SEMA3C: variants seen among roughly 807,000 people sequenced by gnomAD.
SEMA3C encodes the protein semaphorin 3C.
SEMA3C carries 47 observed loss-of-function variants against 89.4 expected under a neutral mutation model. The observed-to-expected ratio is 0.53, with a 90% CI of 0.42 to 0.67. The LOEUF is 0.67. Ranked by LOEUF, SEMA3C falls within the 30% of genes least tolerant of loss-of-function variation. The pLI is 0.00. For synonymous variants in SEMA3C, 310 were observed against 320.2 expected, an observed-to-expected ratio of 0.97 and a Z score of 0.34; for missense variants, 839 against 929.1, an observed-to-expected ratio of 0.90 and a Z score of 1.26.
At chr7:80,788,116 C>G (rs1788847143) in intron 12 of SEMA3C, among the ~76,000 whole-genome samples, 1 of 152,076 alleles carries the variant, frequency 6.6e-6, no homozygotes, top group African/African-American at 2.4e-5. Flanking sequence ...GAAAAAGTAC[C>G]CACATCTTAA....
chr7:80,921,301 C>T (rs1792404579), upstream of SEMA3C, among the ~76,000 whole-genome samples: 1 of 152,138 alleles, frequency 6.6e-6, no homozygotes, highest in Admixed American at 6.5e-5. Flanking sequence ...GAGACGTTTA[C>T]AGTTGGCCAC....
chr7:80,863,672 T>TATATAC (rs575409973), intron 2 of SEMA3C, among the ~76,000 whole-genome samples: 10 of 143,522 alleles, frequency 7.0e-5, no homozygotes, highest in Non-Finnish European at 1.0e-4. Flanking sequence ...TATATATATA[T>TATATAC]ACACACATAT....
chr7:80,891,147 T>C (rs191366532), intron 2 of SEMA3C, among the ~76,000 whole-genome samples: 40 of 152,288 alleles, frequency 2.6e-4, no homozygotes, highest in African/African-American at 7.2e-4. Context: ...TTTTTACTGG[T>C]TTCCGTATAA....
At chr7:80,812,955 T>C (rs1340170082) in intron 5 of SEMA3C, among the ~76,000 whole-genome samples, 2 of 143,488 alleles carry the variant, frequency 1.4e-5, no homozygotes, top group African/African-American at 5.1e-5. Flanking sequence ...CCTGGCTATT[T>C]TTTGTATTTT....
chr7:80,872,757 C>T (rs564136892), intron 2 of SEMA3C, among the ~76,000 whole-genome samples: 1 of 133,610 alleles, frequency 7.5e-6, no homozygotes, highest in East Asian at 2.2e-4. Flanking sequence ...GCCAAGATCA[C>T]ACTACTGCAC....
chr7:80,794,245 C>T (rs1254009245), intron 11 of SEMA3C, among the ~76,000 whole-genome samples: 1 of 151,954 alleles, frequency 6.6e-6, no homozygotes, highest in African/African-American at 2.4e-5. Context: ...GTCCAATCAC[C>T]CTAGGGCAAG....
intron 2 of SEMA3C, among the ~76,000 whole-genome samples, chr7:80,900,320 A>G (rs1161783444): frequency 6.6e-6 from 1 of 151,994 alleles, no homozygotes; most frequent in Non-Finnish European, 1.5e-5. Flanking sequence ...TCAACATGTT[A>G]GCTAGGATGG....
intron 17 of SEMA3C, among the ~76,000 whole-genome samples, chr7:80,747,903 T>G (rs1408617543): frequency 6.6e-6 from 1 of 152,136 alleles, no homozygotes; most frequent in Admixed American, 6.6e-5. Flanking sequence ...TCCTAAGATC[T>G]TTGGGTAGAC....
Position 80,828,705 on chromosome 7 carries a change from GGAAAGGCTGAAGTATTCA to G in SEMA3C, c.126_143del (p.Glu43_Ser48del). On this transcript the variant is annotated inframe_deletion, in exon 3 of 18. Transcript: ENST00000265361. ...AAATCCTGTAGTCTAAAGGATGGTG[GGAAAGGCTGAAGTATTCA>G]GAGGTCTTGGTTTCTCGAAGTTCTG... The G allele has an allele frequency of 6.2e-7, 1 of 1,611,032 alleles. No homozygotes were observed. The highest frequency in any genetic ancestry group is 1.3e-5 in the African/African-American group (1 of 74,916).
chr7:80,894,234 A>T, intron 2 of SEMA3C, among the ~76,000 whole-genome samples: 1 of 152,154 alleles, frequency 6.6e-6, no homozygotes, highest in East Asian at 1.9e-4. Flanking sequence ...TCTTATTTAA[A>T]TGTAGAGACC....
chr7:80,763,980 CAAATTTAATAA>C (rs1347631252), intron 13 of SEMA3C, among the ~76,000 whole-genome samples: 5 of 152,132 alleles, frequency 3.3e-5, no homozygotes, highest in African/African-American at 1.2e-4. Context: ...TTAAAAATTA[CAAATTTAATAA>C]TATAGTAGGA....
In SEMA3C at chr7:80,828,607, T is replaced by A. The variant is rs980241188; in HGVS notation, c.242A>T (p.Asn81Ile). The stretch of plus-strand genomic sequence containing the variant: ...TACACTCAAAGCTTCTTGACTTATA[T>A]TGTTAATATTCAGGGAAAGAATGTG... ...KDHILSLNIN[N>I]ISQEALSVFW... is the part of the protein sequence containing the mutation. The change falls in exon 3 of 18, where the codon AAT becomes ATT. Residue 81 changes from asparagine (N) to isoleucine (I), a missense_variant. Transcript: ENST00000265361. The A allele has an allele frequency of 1.2e-6, 2 of 1,608,842 alleles. No homozygotes were observed. The highest frequency in any genetic ancestry group is 1.7e-6 in the Non-Finnish European group (2 of 1,176,796).
intron 12 of SEMA3C, among the ~76,000 whole-genome samples, chr7:80,782,077 A>C (rs774360239): frequency 2.6e-5 from 4 of 152,224 alleles, no homozygotes; most frequent in Non-Finnish European, 5.9e-5. Flanking sequence ...AATTTAAAAC[A>C]AATTTTAAAT....
chr7:80,884,656 G>T (rs1020858297), intron 2 of SEMA3C, among the ~76,000 whole-genome samples: 4 of 152,154 alleles, frequency 2.6e-5, no homozygotes, highest in African/African-American at 9.7e-5. Context: ...TACAAACAAC[G>T]GCTTTGTCTG....
chr7:80,837,525 A>C (rs1189849941), intron 2 of SEMA3C, among the ~76,000 whole-genome samples: 1 of 152,184 alleles, frequency 6.6e-6, no homozygotes, highest in Non-Finnish European at 1.5e-5. Flanking sequence ...ATCTAGTTCC[A>C]GATTACCTTA....
chr7:80,789,256 G>GTACATTCT lies in SEMA3C; in HGVS notation c.1354+42_1354+49dup, dbSNP rs570055853. 1.2e-3 allele frequency: 1,763 copies of GTACATTCT among 1,443,476 alleles called. 7 individuals are homozygous for GTACATTCT. The highest frequency in any genetic ancestry group is 9.7e-3 in the African/African-American group (689 of 71,156). 89.4% of individuals were successfully genotyped at this position (1,443,476 alleles called of 1,614,324 possible). A position where few individuals can be genotyped will look rare whatever the true frequency, so the allele number is the denominator to read the frequency against. ...GGCCCTTACCTACTACCTATATTTA[G>GTACATTCT]TACATTCTTTTACTACACATTAAAG... On this transcript the variant is annotated intron_variant, in intron 12 of 17. Coordinates refer to ENST00000265361, the MANE Select transcript of SEMA3C (RefSeq NM_006379.5).
rs746317852 is a variant in SEMA3C, at chr7:80,758,377, C to T, written c.1597G>A (p.Ala533Thr). ...DCCLARDPYCAWDGHSCSRFY... is the reference protein window; with the variant it reads ...DCCLARDPYCTWDGHSCSRFY... ...CTGGAACAGGAATGGCCATCCCAGG[C>T]GCAATAAGGGTCCCGCGCCAGGCAG... Residue 533 changes from alanine (A) to threonine (T), a missense_variant, in exon 15 of 18, where the codon GCC (alanine) becomes ACC (threonine). Ala to Thr is a moderately conservative substitution (Grantham distance 58). Coordinates refer to ENST00000265361, the MANE Select transcript of SEMA3C (RefSeq NM_006379.5). 25 of 1,613,834 alleles carry T rather than the reference C, an allele frequency of 1.5e-5. No individual in the cohort carries two copies. The highest frequency in any genetic ancestry group is 1.7e-4 in the Middle Eastern group (1 of 6,016).
At chr7:80,798,776 G>C (rs552322803) in intron 10 of SEMA3C, among the ~76,000 whole-genome samples, 1 of 151,938 alleles carries the variant, frequency 6.6e-6, no homozygotes, top group African/African-American at 2.4e-5. Flanking sequence ...AAAAAATAGG[G>C]GCCCAAAAAA....
intron 11 of SEMA3C, among the ~76,000 whole-genome samples, chr7:80,793,663 C>T (rs923217868): frequency 6.6e-6 from 1 of 152,144 alleles, no homozygotes; most frequent in Admixed American, 6.6e-5. Context: ...GAACTTACAG[C>T]TGCCAAGGTC....
Sources: gnomAD v4.1 joint callset for allele counts (sites outside exome capture counted in the v4.1 genomes callset) on GRCh38, gnomAD v4.1.1 for gene constraint, MANE v1.5 for transcripts, NCBI Gene and HGNC (gene_info 2026-07-23, HGNC 2026-07-21) for gene names.